Variants in TNMD observed in about 807,000 individuals in gnomAD.
The protein encoded by TNMD is tenomodulin.
Under a neutral mutation model 26.9 loss-of-function variants are expected in TNMD, and 15 were observed. The ratio of observed to expected loss-of-function variants is 0.56; its 90% confidence interval spans 0.37 to 0.86. The LOEUF is 0.86. Ranked by LOEUF, TNMD falls within the 40% of genes least tolerant of loss-of-function variation. The pLI, the probability that TNMD is intolerant of heterozygous loss-of-function variation, is 0.00. For synonymous variants in TNMD, 73 were observed against 77.0 expected (o/e 0.95, Z 0.27); for missense variants, 222 against 242.6 (o/e 0.92, Z 0.56).
intron 2 of TNMD, among the ~76,000 whole-genome samples, chrX:100,591,315 C>T (rs148335840): frequency 3.6e-5 from 4 of 111,856 alleles, no homozygotes; most frequent in Non-Finnish European, 7.5e-5. Flanking sequence ...GGCCAGTCAT[C>T]CTGTCTCTGC....
At chrX:100,594,582 T>G (rs1017085008) in intron 4 of TNMD, among the ~76,000 whole-genome samples, 2 of 111,511 alleles carry the variant, frequency 1.8e-5, no homozygotes, top group African/African-American at 6.5e-5. Flanking sequence ...ATTGGGGTCT[T>G]GAACTTAGGC....
intron 2 of TNMD, 82 bp from the exon 3 acceptor site, chrX:100,593,813 C>T (rs1263144697): frequency 5.8e-6 from 6 of 1,032,958 alleles, no homozygotes. Context: ...AAGGGATCCC[C>T]ATATCAGCTC....
At chrX:100,588,174 G>A (rs1170917726) in intron 2 of TNMD, among the ~76,000 whole-genome samples, 1 of 111,099 alleles carries the variant, frequency 9.0e-6, no homozygotes, top group African/African-American at 3.3e-5. Context: ...CCTCACTCCC[G>A]CTTTGGTGTG....
chrX:100,595,973 G>A (rs1399211203), intron 4 of TNMD, among the ~76,000 whole-genome samples: 1 of 112,291 alleles, frequency 8.9e-6, no homozygotes, highest in African/African-American at 3.2e-5. Flanking sequence ...CATTTGAGTA[G>A]GCCACTCAGC....
chrX:100,590,497 G>C (rs2082934104), intron 2 of TNMD, among the ~76,000 whole-genome samples: 1 of 112,412 alleles, frequency 8.9e-6, no homozygotes, highest in Non-Finnish European at 1.9e-5. Context: ...AACTGTGAAA[G>C]AGGGATGTTA....
intron 2 of TNMD, 85 bp downstream of exon 2, chrX:100,585,447 T>A: frequency 3.1e-6 from 3 of 956,657 alleles, no homozygotes; most frequent in Non-Finnish European, 4.2e-6. Flanking sequence ...ATTCTGAAAA[T>A]GAAAATCATT....
At position 100,588,375 on chromosome X, in the gene TNMD, C is replaced by T. The variant is rs755313425; in HGVS notation, c.180+3013C>T. Among the ~76,000 whole-genome samples, 3 of 111,348 alleles carry T rather than the reference C, an allele frequency of 2.7e-5. No homozygotes were observed. The South Asian group carries it at 1.2e-3, about 43-fold the overall frequency. ...AATAAAGTGAAACAAGGACGACTAA[C>T]TCTGGGTGAGCTGCTGCATTTTCTT... is the stretch of plus-strand genomic sequence containing the variant. On this transcript the variant is annotated intron_variant, in intron 2 of 6. Transcript: ENST00000373031.
chrX:100,593,646 G>A (rs1260140508), intron 2 of TNMD: 1 of 260,327 alleles, frequency 3.8e-6, no homozygotes, highest in Non-Finnish European at 6.5e-6. Context: ...AAGCAGCATA[G>A]GTTTTAGGTG....
At chrX:100,596,679 C>T (rs4828038) in intron 4 of TNMD, among the ~76,000 whole-genome samples, 41,198 of 110,531 alleles carry the variant, frequency 0.37, 5,604 homozygotes, top group East Asian at 0.65. Flanking sequence ...TTATACAATT[C>T]CTTTCAATGC....
intron 3 of TNMD, 93 bp from the exon 4 acceptor site, chrX:100,594,168 C>G: frequency 1.0e-6 from 1 of 954,565 alleles, no homozygotes; most frequent in South Asian, 2.7e-5. Flanking sequence ...CATTTGAATT[C>G]AAATTTTGCT....
At chrX:100,592,113 C>T (rs867341484) in intron 2 of TNMD, among the ~76,000 whole-genome samples, 1 of 111,504 alleles carries the variant, frequency 9.0e-6, no homozygotes, top group Non-Finnish European at 1.9e-5. Flanking sequence ...ACCGCAGCCC[C>T]CAATGGCTAG....
chrX:100,596,848 T>C (rs1007155816), intron 4 of TNMD, among the ~76,000 whole-genome samples: 1 of 111,856 alleles, frequency 8.9e-6, no homozygotes, highest in Non-Finnish European at 1.9e-5. Context: ...AAAAAGCTGC[T>C]TAAAGGAAAA....
intron 6 of TNMD, 105 bp from the exon 7 acceptor site, chrX:100,599,403 C>A: frequency 1.3e-6 from 1 of 764,063 alleles, no homozygotes; most frequent in Non-Finnish European, 1.9e-6. Context: ...TAATTTCTCA[C>A]AAGCCCCCAA....
intron 2 of TNMD, among the ~76,000 whole-genome samples, chrX:100,591,578 T>C (rs945669571): frequency 1.7e-4 from 19 of 111,590 alleles, no homozygotes; most frequent in African/African-American, 6.2e-4. Flanking sequence ...GCCACCAGCA[T>C]CATCTTCCTA....
At chrX:100,595,796 CT>C (rs1726535089) in intron 4 of TNMD, among the ~76,000 whole-genome samples, 1 of 111,175 alleles carries the variant, frequency 9.0e-6, no homozygotes, top group Non-Finnish European at 1.9e-5. Context: ...AGTTTGGAGA[CT>C]TTTTTTAAAG....
rs775054362 is a variant in TNMD at position 100,599,001 on chromosome X, C to T, written c.578-15C>T. 5.1e-6 allele frequency: 6 copies of T among 1,179,574 alleles called. No homozygotes were observed. The highest frequency in any genetic ancestry group is 2.3e-5 in the Admixed American group (1 of 43,369). On this transcript the variant is annotated splice_polypyrimidine_tract_variant and intron_variant, in intron 5 of 6. Coordinates refer to ENST00000373031, the MANE Select transcript of TNMD (RefSeq NM_022144.3). ...GCAAAGCAGTTGCATCACAACTTTG[C>T]ATTTATTATCTTAGTTTCTGAGTTA... is the stretch of plus-strand genomic sequence containing the variant.
chrX:100,587,042 T>C (rs1433447254), intron 2 of TNMD, among the ~76,000 whole-genome samples: 1 of 112,560 alleles, frequency 8.9e-6, no homozygotes, highest in Non-Finnish European at 1.9e-5. Flanking sequence ...CACCCTTAGA[T>C]GCTTGCCTAA....
At chrX:100,594,093 C>A in intron 3 of TNMD, 58 bp downstream of exon 3, 5 of 1,117,713 alleles carry the variant, frequency 4.5e-6, no homozygotes, top group Non-Finnish European at 6.0e-6. Context: ...GCAGTTGAGT[C>A]AAGTTAAAAA....
intron 2 of TNMD, among the ~76,000 whole-genome samples, chrX:100,586,870 A>C (rs2082923367): frequency 1.8e-5 from 2 of 111,699 alleles, no homozygotes; most frequent in African/African-American, 6.5e-5. Flanking sequence ...TTCCAATACA[A>C]TTCTGGTACC....
Sources: allele counts gnomAD v4.1 joint callset (sites outside exome capture counted in the v4.1 genomes callset), GRCh38; gene constraint gnomAD v4.1.1; transcripts MANE v1.5; gene names NCBI Gene and HGNC (gene_info 2026-07-23, HGNC 2026-07-21).